KLHL2: variants seen among roughly 807,000 people sequenced by gnomAD.
KLHL2 encodes the protein kelch-like protein 2.
A neutral mutation model predicts 75.8 loss-of-function variants in KLHL2; 15 were observed. The ratio of observed to expected loss-of-function variants is 0.20; its 90% CI spans 0.13 to 0.30. The LOEUF is 0.30. KLHL2 is among the 10% of genes least tolerant of loss of function. The pLI, the probability that KLHL2 is intolerant of heterozygous loss-of-function variation, is 1.00. For synonymous variants in KLHL2, 214 were observed against 251.9 expected (o/e 0.85, Z 1.42); for missense variants, 381 against 741.0 (o/e 0.51, Z 5.64).
chr4:165,289,488 T>C (rs1744338150), intron 5 of KLHL2, among the ~76,000 whole-genome samples: 1 of 151,418 alleles, frequency 6.6e-6, no homozygotes, highest in Admixed American at 6.6e-5. Flanking sequence ...TCACTTTTCC[T>C]TTAGGCTAAT....
intron 4 of KLHL2, among the ~76,000 whole-genome samples, chr4:165,257,109 C>G (rs968920153): frequency 6.6e-6 from 1 of 152,134 alleles, no homozygotes; most frequent in Non-Finnish European, 1.5e-5. Context: ...TAAGTATATT[C>G]ACATTCGCAG....
chr4:165,211,529 ATTTG>A (rs1737204131), intron 1 of KLHL2, among the ~76,000 whole-genome samples: 1 of 152,172 alleles, frequency 6.6e-6, no homozygotes, highest in African/African-American at 2.4e-5. Flanking sequence ...CCCAGTATTC[ATTTG>A]TTTGTCTGTT....
intron 4 of KLHL2, among the ~76,000 whole-genome samples, chr4:165,240,617 GT>G (rs1392943713): frequency 3.3e-5 from 5 of 151,564 alleles, no homozygotes; most frequent in African/African-American, 1.2e-4. Flanking sequence ...TCTCGTTCTG[GT>G]CTTTTAGGTA....
chr4:165,253,455 T>C (rs1740907770), intron 4 of KLHL2, among the ~76,000 whole-genome samples: 1 of 152,230 alleles, frequency 6.6e-6, no homozygotes, highest in Admixed American at 6.5e-5. Flanking sequence ...AAAGTTTGTA[T>C]ATAATCAGTA....
At position 165,217,726 on chromosome 4, in the gene KLHL2, A is replaced by G. The variant is rs538567958; in HGVS notation, c.27-2208A>G. On this transcript the variant is annotated intron_variant, in intron 1 of 14. Coordinates refer to ENST00000226725, the MANE Select transcript of KLHL2 (RefSeq NM_007246.4). ...TATATTCATGTTGAGTACCTGTTTC[A>G]TGGCTTCGTGTACCATCCATGTAAC... Among the ~76,000 whole-genome samples the G allele has an allele frequency of 2.6e-3, 397 of 152,260 alleles. 2 individuals carry two copies. The highest frequency in any genetic ancestry group is 0.013 in the South Asian group (63 of 4,814).
At position 165,314,056 on chromosome 4, in the gene KLHL2, C is replaced by T; in HGVS notation, c.1499C>T (p.Ala500Val). The part of the protein sequence containing the change: ...GVGVLNNLLY[A>V]VGGHDGPLVR... ...GGTGTGTTAAACAATTTATTGTATG[C>T]TGTAGGAGGTCATGATGGCCCTTTA... The change falls in exon 13 of 15, where the codon GCT becomes GTT. Residue 500 changes from alanine (A) to valine (V), a missense_variant. By Grantham distance (64) the Ala-to-Val change is moderately conservative. Coordinates refer to ENST00000226725, the MANE Select transcript of KLHL2 (RefSeq NM_007246.4). 1 of 1,613,608 alleles carries T rather than the reference C, an allele frequency of 6.2e-7. No individual in the cohort carries two copies. The highest frequency in any genetic ancestry group is 8.5e-7 in the Non-Finnish European group (1 of 1,179,706).
rs1325554956 is a variant in KLHL2, at chr4:165,264,717, T to C, written c.544+1358T>C. ...GTGTGTGTGTGTGTATATATATATA[T>C]ATACATATATATATATATATATGTA... On this transcript the variant is annotated intron_variant, in intron 5 of 14. Transcript: ENST00000226725. 9.0e-5 allele frequency among the ~76,000 whole-genome samples: 7 copies of C among 77,744 alleles called. No individual in the cohort carries two copies. In the East Asian group the frequency reaches 1.5e-3, roughly 16 times the overall value. The allele number at this position is 77,744 out of a possible 152,430, so 51.0% of individuals were successfully genotyped here. A position where few individuals can be genotyped will look rare whatever the true frequency, so the allele number is the denominator to read the frequency against.
At chr4:165,318,000 AC>A in intron 14 of KLHL2, 31 bp downstream of exon 14, 1 of 1,602,204 alleles carries the variant, frequency 6.2e-7, no homozygotes, top group Non-Finnish European at 8.5e-7. Flanking sequence ...CAATTTCCGT[AC>A]AAAAAGATGA....
At chr4:165,307,239 C>T (rs1009943828) in intron 9 of KLHL2, among the ~76,000 whole-genome samples, 8 of 152,082 alleles carry the variant, frequency 5.3e-5, no homozygotes, top group African/African-American at 1.4e-4. Context: ...ACCTGGGAGG[C>T]GGAGGTTGCA....
intron 8 of KLHL2, among the ~76,000 whole-genome samples, chr4:165,304,415 G>T (rs1745578087): frequency 2.6e-5 from 4 of 152,026 alleles, no homozygotes; most frequent in Admixed American, 2.6e-4. Context: ...TCCTCTTTTT[G>T]TGTATATGAG....
chr4:165,291,248 G>A (rs1744482256), intron 5 of KLHL2, among the ~76,000 whole-genome samples: 1 of 152,012 alleles, frequency 6.6e-6, no homozygotes, highest in South Asian at 2.1e-4. Context: ...TGAGATATGT[G>A]TTTTGCAAAG....
chr4:165,295,671 A>G (rs578172460), intron 6 of KLHL2, among the ~76,000 whole-genome samples: 4 of 152,328 alleles, frequency 2.6e-5, no homozygotes, highest in African/African-American at 7.2e-5. Context: ...TCTTTTAAAA[A>G]TGAGTCTGAG....
intron 14 of KLHL2, 82 bp downstream of exon 14, chr4:165,318,051 T>C (rs1560836566): frequency 7.7e-6 from 10 of 1,297,424 alleles, no homozygotes; most frequent in South Asian, 2.6e-5. Context: ...TTTTCTGTTA[T>C]AAGAATAAAG....
intron 9 of KLHL2, 55 bp downstream of exon 9, chr4:165,305,780 T>G (rs1745682641): frequency 8.7e-7 from 1 of 1,146,280 alleles, no homozygotes; most frequent in Non-Finnish European, 1.3e-6. Flanking sequence ...GGGAGCTTCT[T>G]TTTCAGGTCT....
chr4:165,220,871 G>A (rs1053984591), intron 2 of KLHL2, among the ~76,000 whole-genome samples: 1 of 152,140 alleles, frequency 6.6e-6, no homozygotes, highest in Non-Finnish European at 1.5e-5. Context: ...ATTGAAAAAT[G>A]AGTAGCTTTT....
intron 1 of KLHL2, among the ~76,000 whole-genome samples, chr4:165,214,677 T>C (rs1737414955): frequency 6.6e-6 from 1 of 152,192 alleles, no homozygotes; most frequent in African/African-American, 2.4e-5. Flanking sequence ...AATAGGGTGC[T>C]CTTTAATACC....
In KLHL2 at chr4:165,314,008, G is replaced by T; in HGVS notation, c.1469-18G>T. 1 of 1,601,844 alleles carries T rather than the reference G, an allele frequency of 6.2e-7. No homozygotes were observed. Among genetic ancestry groups the T allele is most frequent in the Non-Finnish European group, 8.5e-7 (1 of 1,174,506 alleles). On this transcript the variant is annotated intron_variant, in intron 12 of 14. Coordinates refer to ENST00000226725, the MANE Select transcript of KLHL2 (RefSeq NM_007246.4). ...CTTGTTCTTTTTGCCCCTCTATTTGGCTGGTTGTGTTTTATAGGTGTTGGT... is the reference window on the plus strand; with the variant it reads ...CTTGTTCTTTTTGCCCCTCTATTTGTCTGGTTGTGTTTTATAGGTGTTGGT...
intron 14 of KLHL2, among the ~76,000 whole-genome samples, chr4:165,318,958 TA>T (rs1746778067): frequency 6.6e-6 from 1 of 152,202 alleles, no homozygotes. Flanking sequence ...TACAAAAAGT[TA>T]AAATTTATCA....
chr4:165,280,681 T>A (rs1163540003), intron 5 of KLHL2, among the ~76,000 whole-genome samples: 4 of 152,230 alleles, frequency 2.6e-5, no homozygotes, highest in Admixed American at 1.3e-4. Flanking sequence ...AAATGATGCT[T>A]CTTAAAAGAG....
Sources: allele counts gnomAD v4.1 joint callset (sites outside exome capture counted in the v4.1 genomes callset), GRCh38; gene constraint gnomAD v4.1.1; transcripts MANE v1.5; gene names NCBI Gene and HGNC (gene_info 2026-07-23, HGNC 2026-07-21).